Variants in CHEK1 observed in about 807,000 individuals in gnomAD.
CHEK1 encodes serine/threonine-protein kinase Chk1.
CHEK1 carries 32 observed loss-of-function variants against 60.2 expected under a neutral mutation model. That is an observed-to-expected ratio of 0.53 (90% confidence interval 0.40 to 0.71). The LOEUF is 0.71. CHEK1 is among the 30% of genes least tolerant of loss of function. The pLI is 0.00. For missense variants in CHEK1, 399 were observed against 564.6 expected (o/e 0.71, Z 2.97); for synonymous variants, 179 against 187.2 (o/e 0.96, Z 0.36).
At position 125,629,742 on chromosome 11, in the gene CHEK1, G is replaced by T. The variant is rs982131105; in HGVS notation, c.424+282G>T. ...GTATAAGAATAATTTTTTTTTTTTT[G>T]ATACAGGCTCACTGTGTTGTCCAGT... On this transcript the variant is annotated intron_variant, in intron 5 of 12. Transcript: ENST00000438015. 3.6e-3 allele frequency among the ~76,000 whole-genome samples: 486 copies of T among 135,366 alleles called. 1 individual carries two copies. Among genetic ancestry groups the T allele is most frequent in the African/African-American group, 0.012 (459 of 37,724 alleles). 88.8% of individuals were successfully genotyped at this position (135,366 alleles called of 152,430 possible).
At chr11:125,654,389 A>T (rs931341315) in intron 12 of CHEK1, among the ~76,000 whole-genome samples, 20 of 152,338 alleles carry the variant, frequency 1.3e-4, no homozygotes, top group African/African-American at 4.8e-4. Flanking sequence ...ATGAGAAAAT[A>T]AAAATAATTC....
Position 125,657,127 on chromosome 11 carries a change from G to T in CHEK1, c.*1807G>T, listed in dbSNP as rs976124566. The T allele has an allele frequency of 1.7e-5, 3 of 174,838 alleles. No individual in the cohort carries two copies. Among genetic ancestry groups the T allele is most frequent in the Non-Finnish European group, 3.7e-5 (3 of 81,210 alleles). 10.8% of individuals were successfully genotyped at this position (174,838 alleles called of 1,614,324 possible). ...TACTCCTATTATTAAAAATAAAAAT[G>T]TGTAAAATTTACTACCTGAAGATAA... On this transcript the variant is annotated 3_prime_UTR_variant, in exon 13 of 13. Coordinates refer to ENST00000438015, the MANE Select transcript of CHEK1 (RefSeq NM_001114122.3).
At chr11:125,672,547 G>A (rs762006942) in intron 13 of CHEK1, 10 of 1,608,002 alleles carry the variant, frequency 6.2e-6, no homozygotes, top group Admixed American at 1.7e-5. Context: ...ATAGAGTGAT[G>A]GAGGCTTTTT....
At chr11:125,644,743 T>TCA in intron 11 of CHEK1, 100 bp downstream of exon 11, 2 of 1,333,626 alleles carry the variant, frequency 1.5e-6, no homozygotes, top group Non-Finnish European at 2.0e-6. Context: ...AGGCTGTGGC[T>TCA]CACACCTGTA....
At chr11:125,657,572 A>G (rs1447136267), downstream of CHEK1, among the ~76,000 whole-genome samples, 1 of 152,004 alleles carries the variant, frequency 6.6e-6, no homozygotes, top group Non-Finnish European at 1.5e-5. Context: ...TAGTTTATGT[A>G]TTTTTAATTA....
At chr11:125,642,517 A>G (rs1430571198) in intron 8 of CHEK1, among the ~76,000 whole-genome samples, 1 of 152,220 alleles carries the variant, frequency 6.6e-6, no homozygotes, top group African/African-American at 2.4e-5. Flanking sequence ...GAATGAATGG[A>G]TTAATAAATA....
intron 12 of CHEK1, among the ~76,000 whole-genome samples, chr11:125,654,375 A>C (rs1439442240): frequency 2.0e-5 from 3 of 152,188 alleles, no homozygotes; most frequent in Non-Finnish European, 1.5e-5. Context: ...TAGATAAGCA[A>C]AAAATGAGAA....
chr11:125,661,356 G>A (rs968884961), downstream of CHEK1, among the ~76,000 whole-genome samples: 1 of 151,766 alleles, frequency 6.6e-6, no homozygotes, highest in Non-Finnish European at 1.5e-5. Context: ...CTGTCACCCA[G>A]GCTAGAGTGC....
intron 3 of CHEK1, 141 bp downstream of exon 3, chr11:125,627,971 TTCCACCTGGTGTTAATAACA>T (rs1231065508): frequency 1.1e-5 from 7 of 619,002 alleles, no homozygotes; most frequent in Non-Finnish European, 1.9e-5. Context: ...TAAAAAATTT[TTCCACCTGGTGTTAATAACA>T]TAAAAGCATA....
intron 11 of CHEK1, among the ~76,000 whole-genome samples, chr11:125,646,777 G>A (rs750997819): frequency 6.6e-6 from 1 of 151,908 alleles, no homozygotes; most frequent in African/African-American, 2.4e-5. Flanking sequence ...AACAGTATCC[G>A]GATATTTTGT....
rs1007031214 is a variant in CHEK1 at position 125,655,793 on chromosome 11, A to G, written c.*473A>G. 1.4e-5 allele frequency: 3 copies of G among 216,036 alleles called. No homozygotes were observed. The highest frequency in any genetic ancestry group is 2.8e-5 in the Non-Finnish European group (3 of 107,278). The allele number at this position is 216,036 out of a possible 1,614,324, so 13.4% of individuals were successfully genotyped here. On this transcript the variant is annotated 3_prime_UTR_variant, in exon 13 of 13. Transcript: ENST00000438015. ...GTCTGTGAAGCGAAGCCAGCTTCAA[A>G]ACATATCCCCAAGATTTGTACTTAT...
intron 13 of CHEK1, among the ~76,000 whole-genome samples, chr11:125,665,997 C>T (rs1334262454): frequency 1.4e-5 from 2 of 147,522 alleles, no homozygotes; most frequent in Non-Finnish European, 3.0e-5. Context: ...TTTATTTCTA[C>T]ATTGATCTTT....
intron 6 of CHEK1, among the ~76,000 whole-genome samples, chr11:125,633,998 G>GTTT (rs10626345): frequency 0.37 from 46,346 of 126,846 alleles, 9,207 homozygotes; most frequent in South Asian, 0.45. Context: ...CTCTATTGTG[G>GTTT]TTTTTTTTTT....
chr11:125,626,918 T>TCC, intron 2 of CHEK1, 85 bp downstream of exon 2: 5 of 1,432,450 alleles, frequency 3.5e-6, no homozygotes, highest in Non-Finnish European at 4.9e-6. Context: ...AGAAAGTAGA[T>TCC]GTTTGAGATC....
At chr11:125,638,886 T>C (rs1404124663) in intron 8 of CHEK1, among the ~76,000 whole-genome samples, 1 of 152,146 alleles carries the variant, frequency 6.6e-6, no homozygotes, top group Admixed American at 6.5e-5. Flanking sequence ...CTCTCTCCTA[T>C]AGTGATGTTG....
intron 13 of CHEK1, among the ~76,000 whole-genome samples, chr11:125,662,315 T>C (rs1483046496): frequency 2.0e-5 from 3 of 150,922 alleles, no homozygotes; most frequent in Admixed American, 6.6e-5. Flanking sequence ...AGCAGCTCTT[T>C]AGGGCCTCTT....
At chr11:125,628,939 A>T (rs1940743206) in intron 3 of CHEK1, among the ~76,000 whole-genome samples, 1 of 152,336 alleles carries the variant, frequency 6.6e-6, no homozygotes, top group East Asian at 1.9e-4. Flanking sequence ...AAGGTTACTA[A>T]ATAAATCAGG....
intron 8 of CHEK1, among the ~76,000 whole-genome samples, chr11:125,638,892 T>A (rs1302585742): frequency 6.6e-6 from 1 of 152,174 alleles, no homozygotes; most frequent in Non-Finnish European, 1.5e-5. Context: ...CCTATAGTGA[T>A]GTTGTCTTTG....
intron 11 of CHEK1, among the ~76,000 whole-genome samples, chr11:125,648,122 T>TA (rs1941566185): frequency 6.6e-6 from 1 of 151,746 alleles, no homozygotes; most frequent in Non-Finnish European, 1.5e-5. Flanking sequence ...TTTTTTTTTT[T>TA]ATCCTGATGC....
Sources: gnomAD v4.1 joint callset for allele counts (sites outside exome capture counted in the v4.1 genomes callset) on GRCh38, gnomAD v4.1.1 for gene constraint, MANE v1.5 for transcripts, NCBI Gene and HGNC (gene_info 2026-07-23, HGNC 2026-07-21) for gene names.